TSHZ3: variants seen among roughly 807,000 people sequenced by gnomAD.
The protein encoded by TSHZ3 is teashirt zinc finger homeobox 3.
TSHZ3 carries 10 observed loss-of-function variants against 64.5 expected under a neutral mutation model. That is an observed-to-expected ratio of 0.16 (90% CI 0.10 to 0.26). The LOEUF is 0.26. Among genes scored for constraint, TSHZ3 ranks in the 10% least tolerant of loss-of-function variants. TSHZ3 has a pLI of 1.00. For synonymous variants in TSHZ3, 608 were observed against 593.1 expected (o/e 1.03, Z -0.36); for missense variants, 1,242 against 1,421.7 (o/e 0.87, Z 2.03).
chr19:31,281,594 A>G (rs76679699), intron 1 of TSHZ3, among the ~76,000 whole-genome samples: 2 of 152,200 alleles, frequency 1.3e-5, no homozygotes, highest in African/African-American at 2.4e-5. Context: ...GTTTAAGGCC[A>G]TGCACTTTGA....
intron 5 of TSHZ3, among the ~76,000 whole-genome samples, chr19:31,172,099 A>G (rs965485024): frequency 6.6e-6 from 1 of 152,174 alleles, no homozygotes; most frequent in Non-Finnish European, 1.5e-5. Context: ...CTGGAGGTAC[A>G]CTTCACCCAT....
chr19:31,315,325 C>T (rs923642007), intron 1 of TSHZ3, among the ~76,000 whole-genome samples: 2 of 152,226 alleles, frequency 1.3e-5, no homozygotes, highest in African/African-American at 4.8e-5. Context: ...TCCCCCAGCC[C>T]CGCCCTGTCC....
Position 31,279,747 on chromosome 19 carries a change from C to A in TSHZ3, c.46G>T (p.Val16Phe). Reference protein sequence around the residue: ...QQAPRRAAAYVSEELKAAALV... With the variant: ...QQAPRRAAAYFSEELKAAALV... ...GCAGCAGCCTTTAACTCTTCGGAAACATAGGCTGCCATGATAACAGGTGGG... is the reference window on the plus strand; with the variant it reads ...GCAGCAGCCTTTAACTCTTCGGAAAAATAGGCTGCCATGATAACAGGTGGG... The change falls in exon 2 of 2, where the codon GTT becomes TTT. Residue 16 changes from valine (V) to phenylalanine (F), a missense_variant. Physicochemically the swap from Val to Phe is conservative, Grantham distance 50. Transcript: ENST00000240587. This position sits in a 1 kb window ranked among gnomAD's most constrained non-coding sequence, Gnocchi z 6.4. The A allele has an allele frequency of 6.7e-7, 1 of 1,486,404 alleles. No individual in the cohort carries two copies. Among genetic ancestry groups the A allele is most frequent in the Non-Finnish European group, 8.9e-7 (1 of 1,117,922 alleles). The allele number at this position is 1,486,404 out of a possible 1,614,324, so 92.1% of individuals were successfully genotyped here.
At chr19:31,294,727 T>G (rs1976633868) in intron 1 of TSHZ3, among the ~76,000 whole-genome samples, 1 of 152,204 alleles carries the variant, frequency 6.6e-6, no homozygotes, top group African/African-American at 2.4e-5. Flanking sequence ...TGTTTCCTCT[T>G]AAGTATCCCA....
upstream of TSHZ3, among the ~76,000 whole-genome samples, chr19:31,349,995 G>C (rs1228649270): frequency 6.8e-6 from 1 of 146,810 alleles, no homozygotes; most frequent in African/African-American, 2.5e-5. Context: ...CGCACACGCG[G>C]GGGCGCGGCG....
chr19:31,287,468 G>C (rs900442429), intron 1 of TSHZ3, among the ~76,000 whole-genome samples: 1 of 152,086 alleles, frequency 6.6e-6, no homozygotes, highest in African/African-American at 2.4e-5. Context: ...GAGCCAGGAG[G>C]GAGAGGAAGA....
intron 5 of TSHZ3, among the ~76,000 whole-genome samples, chr19:31,163,746 C>CA (rs1974402679): frequency 6.6e-6 from 1 of 152,174 alleles, no homozygotes; most frequent in East Asian, 1.9e-4. Flanking sequence ...AAACAAAGAA[C>CA]AAGAAAGATG....
chr19:31,256,846 C>G (rs1225479361), intron 1 of TSHZ3, among the ~76,000 whole-genome samples: 1 of 152,156 alleles, frequency 6.6e-6, no homozygotes, highest in African/African-American at 2.4e-5. Context: ...CCTCTGTGTT[C>G]CCTGTCTCGA....
rs118124983 is a variant in TSHZ3, at chr19:31,162,321, C to T, written n.810-5904G>A. Among the ~76,000 whole-genome samples, 1,401 of 152,120 alleles carry T rather than the reference C, an allele frequency of 9.2e-3. 10 individuals carry two copies. Among genetic ancestry groups the T allele is most frequent in the Non-Finnish European group, 0.014 (938 of 67,996 alleles). Reference sequence around the variant, plus strand: ...GTATAATATTCATTCAATACTTTTTCAGAAAGTGGTAACATCACTCTTGAA... The same window carrying T: ...GTATAATATTCATTCAATACTTTTTTAGAAAGTGGTAACATCACTCTTGAA... On this transcript the variant is annotated intron_variant and non_coding_transcript_variant, in intron 5 of 6. Transcript: ENST00000651361.
chr19:31,203,205 C>A (rs541819783), intron 5 of TSHZ3, among the ~76,000 whole-genome samples: 1 of 152,108 alleles, frequency 6.6e-6, no homozygotes, highest in East Asian at 1.9e-4. Context: ...GAAGGGCATT[C>A]CCAGAAGAGG....
chr19:31,311,591 T>G (rs993525007), intron 1 of TSHZ3, among the ~76,000 whole-genome samples: 1 of 152,162 alleles, frequency 6.6e-6, no homozygotes, highest in Non-Finnish European at 1.5e-5. Context: ...CTTGCCCCTC[T>G]GCCCAGCTCA....
chr19:31,198,298 A>T lies in TSHZ3; in HGVS notation n.809+6658T>A, dbSNP rs115032641. 4.8e-3 allele frequency among the ~76,000 whole-genome samples: 725 copies of T among 152,310 alleles called. 7 individuals are homozygous for T. The highest frequency in any genetic ancestry group is 0.016 in the African/African-American group (653 of 41,584). ...AACCAGAAATAGAGGGAAACCTCATAAAGAATATTCACGAAAACTGACAGC... is the reference window on the plus strand; with the variant it reads ...AACCAGAAATAGAGGGAAACCTCATTAAGAATATTCACGAAAACTGACAGC... On this transcript the variant is annotated intron_variant and non_coding_transcript_variant, in intron 5 of 6. Transcript: ENST00000651361.
chr19:31,235,013 A>G (rs1332881917), intron 3 of TSHZ3, among the ~76,000 whole-genome samples: 1 of 152,174 alleles, frequency 6.6e-6, no homozygotes, highest in Non-Finnish European at 1.5e-5. Context: ...AAGTTTTTTT[A>G]TGATAAATTC....
chr19:31,313,053 A>G (rs971444006), intron 1 of TSHZ3, among the ~76,000 whole-genome samples: 2 of 152,178 alleles, frequency 1.3e-5, no homozygotes, highest in African/African-American at 2.4e-5. Context: ...CAGGCAGTGC[A>G]TGTGGTATGC....
At chr19:31,169,433 G>T (rs937995213) in intron 5 of TSHZ3, among the ~76,000 whole-genome samples, 24 of 152,282 alleles carry the variant, frequency 1.6e-4, no homozygotes, top group Non-Finnish European at 3.2e-4. Context: ...AAGTAGAACA[G>T]CACTCCCAAG....
intron 4 of TSHZ3, among the ~76,000 whole-genome samples, chr19:31,218,764 T>C (rs1250389304): frequency 2.0e-5 from 3 of 152,216 alleles, no homozygotes; most frequent in African/African-American, 7.2e-5. Flanking sequence ...GGAGAAAACT[T>C]AAATGTATGT....
Position 31,278,418 on chromosome 19 carries a change from G to C in TSHZ3, c.1375C>G (p.Pro459Ala). Residue 459 changes from proline (P) to alanine (A), a missense_variant, in exon 2 of 2, where the codon CCT becomes GCT. Coordinates refer to ENST00000240587, the MANE Select transcript of TSHZ3 (RefSeq NM_020856.4). The surrounding 1 kb of genome is among the most constrained non-coding windows in gnomAD (Gnocchi z 4.7). ...TTCAGTTTTGGGGAGATGCTGGCAG[G>C]TGTATTGGAGGGGGACGTGAAGGTG... ...ATTFTSPSNTPASISPKLNVE... is the reference protein window; with the variant it reads ...ATTFTSPSNTAASISPKLNVE... 6.2e-7 allele frequency: 1 copy of C among 1,614,160 alleles called. No homozygotes were observed. Among genetic ancestry groups the C allele is most frequent in the Non-Finnish European group, 8.5e-7 (1 of 1,180,040 alleles).
At chr19:31,249,441 G>A (rs927482712) in intron 1 of TSHZ3, among the ~76,000 whole-genome samples, 2 of 152,080 alleles carry the variant, frequency 1.3e-5, no homozygotes, top group African/African-American at 2.4e-5. Context: ...CTGTCTGCCC[G>A]GGTCAACTGA....
intron 1 of TSHZ3, among the ~76,000 whole-genome samples, chr19:31,309,395 A>C (rs1369626819): frequency 6.6e-6 from 1 of 152,196 alleles, no homozygotes; most frequent in Non-Finnish European, 1.5e-5. Context: ...TCTGCAAAAA[A>C]AAAAGGACAA....
Sources: gnomAD v4.1 joint callset for allele counts (sites outside exome capture counted in the v4.1 genomes callset) on GRCh38, gnomAD v4.1.1 for gene constraint, Gnocchi (gnomAD v3.1) non-coding constraint, MANE v1.5 for transcripts, NCBI Gene and HGNC (gene_info 2026-07-23, HGNC 2026-07-21) for gene names.